The following RMDN1 variants were observed in gnomAD, a reference collection of about 807,000 sequenced individuals.
The protein encoded by RMDN1 is regulator of microtubule dynamics 1.
Under a neutral mutation model 48.9 loss-of-function variants are expected in RMDN1, and 48 were observed. That is an observed-to-expected ratio of 0.98 (90% CI 0.78 to 1.25). The LOEUF is 1.25. Among genes scored for constraint, RMDN1 ranks in the 50% most tolerant of loss-of-function variants. The probability of loss-of-function intolerance (pLI) is 0.00; values close to 1 mark genes in which losing one functional copy is unlikely to be tolerated. For synonymous variants in RMDN1, 148 were observed against 132.6 expected (o/e 1.12, Z -0.80); for missense variants, 418 against 373.4 (o/e 1.12, Z -0.98).
chr8:86,486,708 T>A (rs1815551281), intron 3 of RMDN1, 65 bp from the exon 4 acceptor site: 2 of 1,297,334 alleles, frequency 1.5e-6, no homozygotes, highest in Admixed American at 4.6e-5. Context: ...AAGGGTTACA[T>A]TACTAATGAA....
At position 86,472,655 on chromosome 8, in the gene RMDN1, A is replaced by AT; in HGVS notation, c.*1652dup. On this transcript the variant is annotated 3_prime_UTR_variant, in exon 10 of 10. Coordinates refer to ENST00000406452, the MANE Select transcript of RMDN1 (RefSeq NM_016033.3). ...TTTTTCACTGTATCAGTGGTGTGTC[A>AT]TATTTTTTTTTTTGCCATCCTTGTT... 2 of 561,702 alleles carry AT rather than the reference A, an allele frequency of 3.6e-6. No individual in the cohort carries two copies. Among genetic ancestry groups the AT allele is most frequent in the Admixed American group, 3.2e-5 (1 of 30,850 alleles). 34.8% of individuals were successfully genotyped at this position (561,702 alleles called of 1,614,324 possible). A position where few individuals can be genotyped will look rare whatever the true frequency, so the allele number is the denominator to read the frequency against.
At chr8:86,512,759 C>T (rs946344642), upstream of RMDN1, among the ~76,000 whole-genome samples, 2 of 152,116 alleles carry the variant, frequency 1.3e-5, no homozygotes, top group African/African-American at 4.8e-5. Context: ...TCCTCACTGG[C>T]ACTGATACGA....
At chr8:86,502,175 T>C (rs766097727) in intron 2 of RMDN1, among the ~76,000 whole-genome samples, 20 of 152,330 alleles carry the variant, frequency 1.3e-4, no homozygotes, top group Admixed American at 1.3e-3. Flanking sequence ...TTTCTTCATA[T>C]GATATTGCTC....
chr8:86,481,951 C>T, intron 5 of RMDN1: 1 of 842,102 alleles, frequency 1.2e-6, no homozygotes, highest in South Asian at 1.5e-5. Flanking sequence ...ATTTGCTTGT[C>T]ATCTTGCTGC....
intron 5 of RMDN1, chr8:86,481,909 C>T (rs13257414): frequency 0.29 from 221,236 of 772,138 alleles, 36,509 homozygotes; most frequent in Admixed American, 0.55. Flanking sequence ...TGGGGTGGCT[C>T]GGCCAGACAC....
Position 86,473,845 on chromosome 8 carries a change from T to C in RMDN1, c.*463A>G. ...TTACTTACACAGGTTAGCTCCAAGA[T>C]ATATCATTTAACTACTTTATGTCAG... On this transcript the variant is annotated 3_prime_UTR_variant, in exon 10 of 10. Transcript: ENST00000406452. 1 of 987,978 alleles carries C rather than the reference T, an allele frequency of 1.0e-6. No individual in the cohort carries two copies. The allele number at this position is 987,978 out of a possible 1,614,324, so 61.2% of individuals were successfully genotyped here. A position where few individuals can be genotyped will look rare whatever the true frequency, so the allele number is the denominator to read the frequency against.
At chr8:86,497,302 T>C (rs1308898939) in intron 2 of RMDN1, among the ~76,000 whole-genome samples, 2 of 151,972 alleles carry the variant, frequency 1.3e-5, no homozygotes, top group Non-Finnish European at 2.9e-5. Context: ...TGAACTGAAC[T>C]GAACAAAATT....
rs773235275 is a variant in RMDN1 at position 86,508,552 on chromosome 8, G to C, written c.69C>G (p.Leu23=). The change falls in exon 1 of 10, where the codon CTC becomes CTG. Residue 23 remains leucine, a synonymous_variant. Coordinates refer to ENST00000406452, the MANE Select transcript of RMDN1 (RefSeq NM_016033.3). ...CGCGGCTGCCCGAAGTCCCCGCAGG[G>C]AGACGAGACCCCGGGGCGGCTCCAC... ...FRRGAAPGSR[L]PAGTSGSRGH... is the part of the protein sequence containing the mutation. 1.3e-6 allele frequency: 2 copies of C among 1,594,528 alleles called. No individual in the cohort carries two copies. The highest frequency in any genetic ancestry group is 2.3e-5 in the South Asian group (2 of 88,644).
At chr8:86,497,700 CAAAA>C (rs1213399491) in intron 2 of RMDN1, among the ~76,000 whole-genome samples, 1 of 68,260 alleles carries the variant, frequency 1.5e-5, no homozygotes, top group Non-Finnish European at 2.9e-5. Flanking sequence ...GACACTATCT[CAAAA>C]AAAAAAAAAA....
At chr8:86,512,173 T>C, upstream of RMDN1, among the ~76,000 whole-genome samples, 1 of 152,132 alleles carries the variant, frequency 6.6e-6, no homozygotes, top group East Asian at 1.9e-4. Flanking sequence ...ATACTAAAAG[T>C]ACAAAACCAT....
At chr8:86,476,941 T>A (rs1201002156) in intron 8 of RMDN1, among the ~76,000 whole-genome samples, 2 of 152,198 alleles carry the variant, frequency 1.3e-5, no homozygotes, top group East Asian at 1.9e-4. Context: ...GTTCAAGTGA[T>A]CCTTCTGCCT....
At chr8:86,474,555 T>C in intron 9 of RMDN1, 197 bp from the exon 10 acceptor site, 1 of 698,292 alleles carries the variant, frequency 1.4e-6, no homozygotes, top group East Asian at 2.7e-5. Flanking sequence ...TTTTATGTTT[T>C]AGAAATGTTA....
Position 86,477,288 on chromosome 8 carries a change from C to T in RMDN1, c.760+6G>A. The stretch of plus-strand genomic sequence containing the variant: ...ATATTAATATGTGTAATCAAAAATA[C>T]CTTACCTTGTTCTGCCCTGTGAAAG... On this transcript the variant is annotated splice_donor_region_variant and intron_variant, in intron 8 of 9. Coordinates refer to ENST00000406452, the MANE Select transcript of RMDN1 (RefSeq NM_016033.3). The T allele has an allele frequency of 6.3e-7, 1 of 1,595,320 alleles. No individual in the cohort carries two copies. The highest frequency in any genetic ancestry group is 1.1e-5 in the South Asian group (1 of 87,862).
chr8:86,504,888 TTCC>T, intron 2 of RMDN1: 1 of 1,093,856 alleles, frequency 9.1e-7, no homozygotes, highest in South Asian at 1.2e-5. Context: ...CTTCGCCAGC[TTCC>T]TCATCACCTT....
Position 86,473,031 on chromosome 8 carries a change from A to G in RMDN1, c.*1277T>C, listed in dbSNP as rs1812794418. On this transcript the variant is annotated 3_prime_UTR_variant, in exon 10 of 10. Transcript: ENST00000406452. ...TGCAGGTATTCCAAAATTTGGAAAA[A>G]CATCCCAAATCCAAGATGCTTCTAC... The G allele has an allele frequency of 1.2e-6, 1 of 863,634 alleles. No homozygotes were observed. The allele number at this position is 863,634 out of a possible 1,614,324, so 53.5% of individuals were successfully genotyped here.
In RMDN1 at chr8:86,501,817, G is replaced by T. The variant is rs192452273; in HGVS notation, c.247+5178C>A. Among the ~76,000 whole-genome samples, 830 of 151,916 alleles carry T rather than the reference G, an allele frequency of 5.5e-3. 12 individuals are homozygous for T. The highest frequency in any genetic ancestry group is 0.019 in the African/African-American group (768 of 41,416). ...AGGCTGCTGTGAGAATTAAAGTCTA[G>T]GTTGCTTTAAAAAGATGAATTATTT... is the stretch of plus-strand genomic sequence containing the variant. On this transcript the variant is annotated intron_variant, in intron 2 of 9. Transcript: ENST00000406452.
At chr8:86,487,886 T>A (rs1815753706) in intron 3 of RMDN1, among the ~76,000 whole-genome samples, 3 of 152,242 alleles carry the variant, frequency 2.0e-5, no homozygotes, top group South Asian at 4.1e-4. Context: ...GGGAGAAAAC[T>A]GGTTTTGAAA....
chr8:86,490,698 T>C (rs1478578132), intron 2 of RMDN1, among the ~76,000 whole-genome samples: 3 of 152,192 alleles, frequency 2.0e-5, no homozygotes, highest in Non-Finnish European at 2.9e-5. Context: ...AAAATTAATA[T>C]TAAATATATT....
chr8:86,470,132 C>T, downstream of RMDN1: 1 of 1,272,772 alleles, frequency 7.9e-7, no homozygotes, highest in Admixed American at 2.4e-5. Context: ...CTCATATCCT[C>T]AAAAGGAAGG....
Sources: allele counts gnomAD v4.1 joint callset (sites outside exome capture counted in the v4.1 genomes callset), GRCh38; gene constraint gnomAD v4.1.1; transcripts MANE v1.5; gene names NCBI Gene and HGNC (gene_info 2026-07-23, HGNC 2026-07-21).